Variants in COL17A1 observed in about 807,000 individuals in gnomAD.
COL17A1 encodes the protein collagen type XVII alpha 1 chain, also known as collagen alpha-1(XVII) chain.
COL17A1 carries 181 observed loss-of-function variants against 218.4 expected under a neutral mutation model. That is an observed-to-expected ratio of 0.83 (90% confidence interval 0.73 to 0.94). The LOEUF is 0.94. Among genes scored for constraint, COL17A1 ranks in the 40% least tolerant of loss-of-function variants. The pLI, the probability that COL17A1 is intolerant of heterozygous loss-of-function variation, is 0.00. For missense variants in COL17A1, 1,924 were observed against 1,945.9 expected (o/e 0.99, Z 0.21); for synonymous variants, 721 against 731.0 (o/e 0.99, Z 0.22).
chr10:104,071,903 T>C (rs2086671924), intron 8 of COL17A1, 129 bp downstream of exon 8: 1 of 1,450,684 alleles, frequency 6.9e-7, no homozygotes, highest in Non-Finnish European at 9.5e-7. Flanking sequence ...AGATGTTTTA[T>C]GATTGCATGC....
At chr10:104,040,268 G>T in intron 40 of COL17A1, 83 bp downstream of exon 40, 1 of 1,088,184 alleles carries the variant, frequency 9.2e-7, no homozygotes. Flanking sequence ...AGCTCATTCA[G>T]CTTCATCCAA....
At chr10:104,039,034 G>T in intron 44 of COL17A1, 37 bp downstream of exon 44, 1 of 1,596,792 alleles carries the variant, frequency 6.3e-7, no homozygotes, top group Non-Finnish European at 8.6e-7. Context: ...TTCACCAGAA[G>T]AAGTGGAGAG....
rs121912771 is a variant in COL17A1, at chr10:104,034,193, C to T, written c.3908G>A (p.Arg1303Gln). Reference sequence around the variant, plus strand: ...CATGGAAGAGCTGTAGGAGCTGCCCCGCCTGACAGATGAGCTGTGTGAGGA... The same window carrying T: ...CATGGAAGAGCTGTAGGAGCTGCCCTGCCTGACAGATGAGCTGTGTGAGGA... The part of the protein sequence containing the change: ...SSSSHSSSVR[R>Q]GSSYSSSMST... The change falls in exon 52 of 56, where the codon CGG becomes CAG. Residue 1303 changes from arginine to glutamine, a missense_variant. Coordinates refer to ENST00000648076, the MANE Select transcript of COL17A1 (RefSeq NM_000494.4). 199 of 1,613,258 alleles carry T rather than the reference C, an allele frequency of 1.2e-4. 1 individual carries two copies. The highest frequency in any genetic ancestry group is 2.2e-4 in the South Asian group (20 of 90,992).
intron 45 of COL17A1, 103 bp from the exon 46 acceptor site, chr10:104,037,876 C>T: frequency 7.0e-7 from 1 of 1,431,384 alleles, no homozygotes; most frequent in Non-Finnish European, 9.6e-7. Context: ...CCCCGCCCCA[C>T]ACATGGGCCC....
rs1314920255 is a variant in COL17A1 at position 104,057,501 on chromosome 10, T to C, written c.1268-329A>G. Among the ~76,000 whole-genome samples, 11 of 44,766 alleles carry C rather than the reference T, an allele frequency of 2.5e-4. No individual in the cohort carries two copies. The Admixed American group carries it at 3.2e-3, about 13-fold the overall frequency. 29.4% of individuals were successfully genotyped at this position (44,766 alleles called of 152,430 possible). The stretch of plus-strand genomic sequence containing the variant: ...AAATAGGACAAGGAATGTAAAATAG[T>C]AGAGGAGTTAGCAGCACAGCACGAG... On this transcript the variant is annotated intron_variant, in intron 16 of 55. Transcript: ENST00000648076.
chr10:104,032,637 TCC>T (rs1844700968), intron 55 of COL17A1, 35 bp downstream of exon 55: 1 of 1,595,738 alleles, frequency 6.3e-7, no homozygotes, highest in Non-Finnish European at 8.6e-7. Flanking sequence ...CTTGCAGCCC[TCC>T]AGAACATGCA....
chr10:104,046,458 G>A (rs1156760259), intron 32 of COL17A1, among the ~76,000 whole-genome samples: 1 of 152,208 alleles, frequency 6.6e-6, no homozygotes, highest in Admixed American at 6.5e-5. Context: ...TGGGAGCTCA[G>A]CTATGAGCTT....
chr10:104,073,274 C>G (rs751613893), intron 6 of COL17A1, 29 bp from the exon 7 acceptor site: 2 of 1,608,870 alleles, frequency 1.2e-6, no homozygotes, highest in South Asian at 2.2e-5. Flanking sequence ...CATTTTTAGG[C>G]ATATATAAGA....
intron 44 of COL17A1, among the ~76,000 whole-genome samples, 178 bp downstream of exon 44, chr10:104,038,893 A>C (rs1299241179): frequency 6.6e-6 from 1 of 152,118 alleles, no homozygotes; most frequent in Non-Finnish European, 1.5e-5. Flanking sequence ...CCTTCCCCTC[A>C]ACCCAATAAC....
chr10:104,057,078 G>A lies in COL17A1; in HGVS notation c.1362C>T (p.Ala454=). 1 of 1,611,870 alleles carries A rather than the reference G, an allele frequency of 6.2e-7. No homozygotes were observed. The highest frequency in any genetic ancestry group is 8.5e-7 in the Non-Finnish European group (1 of 1,179,084). ...TGCAGCAGGAGCCGCAGGGGCACCA[G>A]GCTGGCGCTGGTCCCCAAGGGCCGC... ...AGGGPWGPAP[A]WCPCGSCCSW... Residue 454 remains alanine (A), a synonymous_variant, in exon 17 of 56, where the codon GCC becomes GCT. Coordinates refer to ENST00000648076, the MANE Select transcript of COL17A1 (RefSeq NM_000494.4).
At chr10:104,077,322 T>C (rs2086719182) in intron 4 of COL17A1, 100 bp downstream of exon 4, 14 of 899,224 alleles carry the variant, frequency 1.6e-5, no homozygotes, top group Non-Finnish European at 2.5e-5. Context: ...TGTGCACTGA[T>C]TCAAAATTGT....
chr10:104,035,724 C>G (rs921857828), intron 48 of COL17A1, among the ~76,000 whole-genome samples, 161 bp from the exon 49 acceptor site: 1 of 151,402 alleles, frequency 6.6e-6, no homozygotes, highest in Non-Finnish European at 1.5e-5. Flanking sequence ...AAAGGAGGAA[C>G]GGAGGGGCCC....
At position 104,041,086 on chromosome 10, in the gene COL17A1, C is replaced by A. The variant is rs765873070; in HGVS notation, c.2680G>T (p.Gly894Ter). Residue 894 changes from glycine (G) to a stop codon, truncating the protein, a stop_gained, in exon 39 of 56, where the codon GGA becomes TGA. Coordinates refer to ENST00000648076, the MANE Select transcript of COL17A1 (RefSeq NM_000494.4). LOFTEE classifies it high-confidence loss of function. ...EGLPGPPGPP[G>*]SFLSNSETFL... is the part of the protein sequence containing the mutation. Reference sequence around the variant, plus strand: ...TTACCTGAGTTGGACAGGAACGATCCTGGTGGGCCTGGTGGGCCTGGCAAA... The same window carrying A: ...TTACCTGAGTTGGACAGGAACGATCATGGTGGGCCTGGTGGGCCTGGCAAA... 6.2e-7 allele frequency: 1 copy of A among 1,614,092 alleles called. No individual in the cohort carries two copies. Among genetic ancestry groups the A allele is most frequent in the Non-Finnish European group, 8.5e-7 (1 of 1,179,966 alleles).
intron 29 of COL17A1, 43 bp downstream of exon 29, chr10:104,049,366 T>G: frequency 6.3e-7 from 1 of 1,593,144 alleles, no homozygotes; most frequent in Non-Finnish European, 8.6e-7. Flanking sequence ...TGGTGACCCC[T>G]CAGATGGGGA....
chr10:104,053,285 C>A (rs990545874), intron 22 of COL17A1, 150 bp from the exon 23 acceptor site: 1 of 855,280 alleles, frequency 1.2e-6, no homozygotes, highest in Non-Finnish European at 1.9e-6. Flanking sequence ...TTGGCTCAAC[C>A]TGGAAGCCAG....
intron 29 of COL17A1, among the ~76,000 whole-genome samples, chr10:104,048,660 G>T (rs559591952): frequency 6.6e-6 from 1 of 152,134 alleles, no homozygotes; most frequent in Non-Finnish European, 1.5e-5. Context: ...TGTACCTTGC[G>T]TGACACTTGT....
chr10:104,047,563 C>T (rs1195680137), intron 31 of COL17A1, among the ~76,000 whole-genome samples, 176 bp downstream of exon 31: 3 of 152,194 alleles, frequency 2.0e-5, no homozygotes, highest in Admixed American at 1.3e-4. Context: ...CGGGATAAGG[C>T]ACACATGGGT....
intron 13 of COL17A1, among the ~76,000 whole-genome samples, chr10:104,060,937 G>T (rs2086576880): frequency 6.6e-6 from 1 of 152,212 alleles, no homozygotes; most frequent in Non-Finnish European, 1.5e-5. Flanking sequence ...TCCAATAAAT[G>T]AATTGTTGAA....
chr10:104,072,131 A>T (rs1477171014), intron 7 of COL17A1, 52 bp from the exon 8 acceptor site: 1 of 1,612,206 alleles, frequency 6.2e-7, no homozygotes, highest in Non-Finnish European at 8.5e-7. Context: ...CTTAGATCAC[A>T]ATCCCTGACA....
Sources: gnomAD v4.1 joint callset for allele counts (sites outside exome capture counted in the v4.1 genomes callset) on GRCh38, gnomAD v4.1.1 for gene constraint, MANE v1.5 for transcripts, NCBI Gene and HGNC (gene_info 2026-07-23, HGNC 2026-07-21) for gene names.